The following TMPRSS9 variants were observed in gnomAD, a reference collection of about 807,000 sequenced individuals.
TMPRSS9 encodes transmembrane protease serine 9.
TMPRSS9 carries 113 observed loss-of-function variants against 111.4 expected under a neutral mutation model. The ratio of observed to expected loss-of-function variants is 1.01; its 90% CI spans 0.87 to 1.19. The LOEUF is 1.19. Among genes scored for constraint, TMPRSS9 ranks in the 50% most tolerant of loss-of-function variants. The pLI is 0.00. For missense variants in TMPRSS9, 1,803 were observed against 1,513.1 expected, an observed-to-expected ratio of 1.19 and a Z score of -3.18; for synonymous variants, 805 against 659.1, an observed-to-expected ratio of 1.22 and a Z score of -3.39.
intron 1 of TMPRSS9, among the ~76,000 whole-genome samples, chr19:2,392,891 G>C (rs200275645): frequency 6.6e-6 from 1 of 151,570 alleles, no homozygotes; most frequent in South Asian, 2.1e-4. Flanking sequence ...TGCACCAATC[G>C]CACCAATCAG....
At chr19:2,412,596 C>T (rs1971120153) in intron 9 of TMPRSS9, among the ~76,000 whole-genome samples, 1 of 152,146 alleles carries the variant, frequency 6.6e-6, no homozygotes, top group Non-Finnish European at 1.5e-5. Flanking sequence ...CCAACCAACC[C>T]AGGTCCTCTT....
At chr19:2,419,411 C>G (rs1038728924) in intron 13 of TMPRSS9, among the ~76,000 whole-genome samples, 5 of 151,552 alleles carry the variant, frequency 3.3e-5, no homozygotes, top group Non-Finnish European at 7.4e-5. Flanking sequence ...ACTATGTTGG[C>G]CAGGATGGTC....
At chr19:2,387,469 A>T (rs1368457306), upstream of TMPRSS9, among the ~76,000 whole-genome samples, 2 of 151,794 alleles carry the variant, frequency 1.3e-5, no homozygotes, top group Admixed American at 1.3e-4. Flanking sequence ...CACTCCAGCC[A>T]GGTCAACAAG....
Position 2,424,274 on chromosome 19 carries a change from C to A in TMPRSS9, c.2717+17C>A, listed in dbSNP as rs1212636375. On this transcript the variant is annotated intron_variant, in intron 15 of 17. Coordinates refer to ENST00000648592, the Ensembl canonical transcript of TMPRSS9. ...CTTCGACGTGTGAGTTCCAAACGCT[C>A]CAAATGCCCCTACATGTCTCTGTAG... The A allele has an allele frequency of 7.4e-7, 1 of 1,345,510 alleles. No homozygotes were observed. Among genetic ancestry groups the A allele is most frequent in the East Asian group, 2.8e-5 (1 of 35,598 alleles). 83.3% of individuals were successfully genotyped at this position (1,345,510 alleles called of 1,614,324 possible).
intron 10 of TMPRSS9, among the ~76,000 whole-genome samples, chr19:2,414,999 G>A (rs1971194086): frequency 6.9e-6 from 1 of 145,872 alleles, no homozygotes; most frequent in Admixed American, 6.8e-5. Context: ...AGGCTGGAGT[G>A]CAGTGGTGTG....
At chr19:2,384,999 G>A (rs1371802850), upstream of TMPRSS9, among the ~76,000 whole-genome samples, 1 of 142,278 alleles carries the variant, frequency 7.0e-6, no homozygotes, top group Non-Finnish European at 1.5e-5. Flanking sequence ...AAAAAAAAGA[G>A]AGAAAAGCCC....
At chr19:2,421,861 C>G (rs1795635971) in exon 14 of TMPRSS9, 1 of 1,601,406 alleles carries the variant, frequency 6.2e-7, no homozygotes, top group Admixed American at 1.7e-5. Context: ...TAGGGTGACT[C>G]TGGGGGCCCC....
chr19:2,407,361 A>G (rs1180954261), intron 7 of TMPRSS9, among the ~76,000 whole-genome samples: 1 of 151,462 alleles, frequency 6.6e-6, no homozygotes, highest in African/African-American at 2.4e-5. Flanking sequence ...GTCTCTACTA[A>G]AAACACACAA....
intron 9 of TMPRSS9, among the ~76,000 whole-genome samples, chr19:2,412,752 G>C (rs1303479916): frequency 6.6e-6 from 1 of 152,132 alleles, no homozygotes; most frequent in Non-Finnish European, 1.5e-5. Context: ...GTGGATTCCT[G>C]TCTTTCTTGT....
chr19:2,401,629 A>G (rs567755523), intron 4 of TMPRSS9, among the ~76,000 whole-genome samples: 2 of 151,342 alleles, frequency 1.3e-5, no homozygotes, highest in East Asian at 3.9e-4. Context: ...TTTTTTTGAG[A>G]TGGAGTCTCG....
intron 7 of TMPRSS9, among the ~76,000 whole-genome samples, chr19:2,407,608 C>CTTTTCTTTTCTTT (rs1599301337): frequency 7.5e-4 from 74 of 98,354 alleles, no homozygotes; most frequent in Non-Finnish European, 1.1e-3. Flanking sequence ...CTTTTCTTTT[C>CTTTTCTTTTCTTT]TTTTTTTTTT....
intron 13 of TMPRSS9, among the ~76,000 whole-genome samples, chr19:2,420,441 CAAAAAAAA>C (rs575760141): frequency 2.8e-5 from 3 of 106,150 alleles, no homozygotes; most frequent in Non-Finnish European, 5.8e-5. Context: ...GACTCCACCT[CAAAAAAAA>C]AAAAAAAAAA....
At chr19:2,411,356 A>G (rs1437866575) in intron 9 of TMPRSS9, among the ~76,000 whole-genome samples, 1 of 145,412 alleles carries the variant, frequency 6.9e-6, no homozygotes, top group Non-Finnish European at 1.5e-5. Flanking sequence ...GGTCATCCAA[A>G]GCTGCTTCTG....
intron 1 of TMPRSS9, among the ~76,000 whole-genome samples, chr19:2,382,713 AC>A (rs1970400947): frequency 6.6e-6 from 1 of 151,716 alleles, no homozygotes; most frequent in South Asian, 2.1e-4. Context: ...ACAAAAGCAC[AC>A]ATGCACACAG....
exon 17 of TMPRSS9, chr19:2,425,419 C>T: frequency 2.5e-6 from 4 of 1,583,236 alleles, no homozygotes; most frequent in Middle Eastern, 1.7e-4. Context: ...GACCTGCCGC[C>T]GCTTCTACCC....
At chr19:2,408,764 C>T in intron 8 of TMPRSS9, 134 bp downstream of exon 9, 6 of 1,203,408 alleles carry the variant, frequency 5.0e-6, no homozygotes, top group Non-Finnish European at 6.8e-6. Flanking sequence ...ATCACGAGGT[C>T]AGGCGTTTGA....
intron 6 of TMPRSS9, 106 bp downstream of exon 7, chr19:2,403,301 C>G: frequency 3.1e-6 from 3 of 955,970 alleles, no homozygotes; most frequent in South Asian, 2.8e-5. Flanking sequence ...GCACACAGGC[C>G]TGGCATTTAT....
At chr19:2,413,327 C>T (rs1247387146) in intron 9 of TMPRSS9, among the ~76,000 whole-genome samples, 1 of 152,126 alleles carries the variant, frequency 6.6e-6, no homozygotes, top group East Asian at 1.9e-4. Context: ...CTGCAGCTAC[C>T]AGTGAGATAT....
chr19:2,424,542 CCT>C (rs201031576), intron 15 of TMPRSS9, among the ~76,000 whole-genome samples: 1,893 of 140,444 alleles, frequency 0.013, 41 homozygotes, highest in African/African-American at 0.029. Flanking sequence ...CGGCCCCCCC[CCT>C]CCAGCTCCAG....
Sources: gnomAD v4.1 joint callset for allele counts (sites outside exome capture counted in the v4.1 genomes callset) on GRCh38, gnomAD v4.1.1 for gene constraint, MANE v1.5 for transcripts, NCBI Gene and HGNC (gene_info 2026-07-23, HGNC 2026-07-21) for gene names.